The following SLC5A1 variants were observed in gnomAD, a reference collection of about 807,000 sequenced individuals.
SLC5A1 encodes solute carrier family 5 member 1.
In SLC5A1, 42 loss-of-function variants were observed where a neutral mutation model predicts 73.5. That is an observed-to-expected ratio of 0.57 (90% CI 0.45 to 0.74). The LOEUF is 0.74. SLC5A1 is among the 30% of genes least tolerant of loss of function. SLC5A1 has a pLI of 0.00. For missense variants in SLC5A1, 634 were observed against 855.4 expected (o/e 0.74, Z 3.23); for synonymous variants, 300 against 317.4 (o/e 0.95, Z 0.58).
chr22:32,053,763 G>A (rs762833287), intron 2 of SLC5A1, among the ~76,000 whole-genome samples: 10 of 152,244 alleles, frequency 6.6e-5, no homozygotes, highest in South Asian at 6.2e-4. Context: ...AAATGAATTC[G>A]TTGTATTATT....
chr22:32,105,396 C>A (rs912512208), intron 14 of SLC5A1, among the ~76,000 whole-genome samples: 1 of 150,982 alleles, frequency 6.6e-6, no homozygotes, highest in African/African-American at 2.4e-5. Context: ...TGGGTTCAAG[C>A]GATTCTCCTG....
chr22:32,056,178 C>T lies in SLC5A1; in HGVS notation c.207+6164C>T, dbSNP rs554701851. The stretch of plus-strand genomic sequence containing the variant: ...CTGGGACTACAGGTGCGTGCCACCA[C>T]GCCTGGCTAATTTTTGATTTTTAGT... On this transcript the variant is annotated intron_variant, in intron 2 of 14. Coordinates refer to ENST00000266088, the MANE Select transcript of SLC5A1 (RefSeq NM_000343.4). 7.9e-5 allele frequency among the ~76,000 whole-genome samples: 12 copies of T among 152,200 alleles called. No homozygotes were observed. The South Asian group carries it at 1.2e-3, about 16-fold the overall frequency.
At chr22:32,086,179 C>G (rs1408424814) in intron 9 of SLC5A1, 41 bp from the exon 10 acceptor site, 2 of 1,229,840 alleles carry the variant, frequency 1.6e-6, no homozygotes, top group African/African-American at 3.0e-5. Flanking sequence ...AAATATTTCC[C>G]CAATGTCTGC....
chr22:32,063,748 C>CA (rs1471630035), intron 2 of SLC5A1, among the ~76,000 whole-genome samples: 3 of 152,124 alleles, frequency 2.0e-5, no homozygotes, highest in Non-Finnish European at 2.9e-5. Flanking sequence ...GAGATAGTGA[C>CA]AGGCAGCACA....
intron 1 of SLC5A1, among the ~76,000 whole-genome samples, chr22:32,047,055 A>G (rs556167145): frequency 6.6e-6 from 1 of 152,356 alleles, no homozygotes; most frequent in East Asian, 1.9e-4. Flanking sequence ...GCTGTGAACA[A>G]GGCATAAGTG....
At chr22:32,064,691 G>A (rs1443319016) in intron 2 of SLC5A1, among the ~76,000 whole-genome samples, 3 of 152,026 alleles carry the variant, frequency 2.0e-5, no homozygotes, top group African/African-American at 4.8e-5. Flanking sequence ...TATCAACAGA[G>A]CCTGCCAACT....
intron 12 of SLC5A1, among the ~76,000 whole-genome samples, chr22:32,100,232 C>T (rs2094033994): frequency 6.6e-6 from 1 of 152,108 alleles, no homozygotes; most frequent in African/African-American, 2.4e-5. Flanking sequence ...AACAGTGATC[C>T]CTTTGGTGGA....
At chr22:32,076,746 C>T (rs1327669592) in intron 5 of SLC5A1, among the ~76,000 whole-genome samples, 1 of 152,210 alleles carries the variant, frequency 6.6e-6, no homozygotes, top group African/African-American at 2.4e-5. Flanking sequence ...AGCAAACACA[C>T]ACATATAAAA....
rs151211553 is a variant in SLC5A1, at chr22:32,072,136, G to A, written c.477+3536G>A. On this transcript the variant is annotated intron_variant, in intron 5 of 14. Coordinates refer to ENST00000266088, the MANE Select transcript of SLC5A1 (RefSeq NM_000343.4). Reference sequence around the variant, plus strand: ...TATGGTTAAATTGCATGTCACGGGAGTTTGGTGTACAGATTATTTTGTCAC... The same window carrying A: ...TATGGTTAAATTGCATGTCACGGGAATTTGGTGTACAGATTATTTTGTCAC... 1.5e-4 allele frequency among the ~76,000 whole-genome samples: 23 copies of A among 152,188 alleles called. No individual in the cohort carries two copies. In the East Asian group the frequency reaches 4.4e-3, roughly 29 times the overall value.
chr22:32,084,088 G>C (rs2094004187), intron 7 of SLC5A1, among the ~76,000 whole-genome samples: 5 of 152,232 alleles, frequency 3.3e-5, no homozygotes, highest in Admixed American at 3.3e-4. Flanking sequence ...ATGGCTGACA[G>C]CAGAGGGTGA....
At chr22:32,091,007 A>T (rs1321899519) in intron 10 of SLC5A1, among the ~76,000 whole-genome samples, 1 of 152,002 alleles carries the variant, frequency 6.6e-6, no homozygotes, top group Admixed American at 6.6e-5. Flanking sequence ...GCATCTTTTC[A>T]TGTCATTATT....
chr22:32,091,631 A>ATCAG lies in SLC5A1; in HGVS notation c.1153_1156dup (p.Met386SerfsTer35). ...TTCCAGGACTGCGAGGCCTGATGCT[A>ATCAG]TCAGTCATGCTGGCCTCCCTCATGA... On this transcript the variant is annotated frameshift_variant, in exon 11 of 15. Transcript: ENST00000266088. LOFTEE classifies it high-confidence loss of function. The ATCAG allele has an allele frequency of 6.2e-7, 1 of 1,614,132 alleles. No homozygotes were observed. The highest frequency in any genetic ancestry group is 8.5e-7 in the Non-Finnish European group (1 of 1,180,000).
intron 12 of SLC5A1, among the ~76,000 whole-genome samples, chr22:32,101,405 T>A (rs2094036120): frequency 6.6e-6 from 1 of 152,184 alleles, no homozygotes; most frequent in African/African-American, 2.4e-5. Context: ...CATATTCTAA[T>A]ATGCAGACCC....
intron 5 of SLC5A1, among the ~76,000 whole-genome samples, chr22:32,081,079 A>C (rs2093999114): frequency 6.6e-6 from 1 of 152,036 alleles, no homozygotes; most frequent in Admixed American, 6.5e-5. Context: ...ATGAACATGC[A>C]TTTGGGGTGA....
intron 5 of SLC5A1, among the ~76,000 whole-genome samples, chr22:32,078,627 A>G (rs1251894195): frequency 1.3e-5 from 2 of 152,114 alleles, no homozygotes; most frequent in African/African-American, 4.8e-5. Context: ...TTTTATTTTA[A>G]AAGTAAATTA....
chr22:32,060,058 TAC>T (rs1244270003), intron 2 of SLC5A1, among the ~76,000 whole-genome samples: 9 of 144,240 alleles, frequency 6.2e-5, no homozygotes, highest in African/African-American at 2.4e-4. Context: ...CACACATATA[TAC>T]ACACACATAT....
At chr22:32,084,735 G>A in intron 8 of SLC5A1, 76 bp downstream of exon 8, 1 of 1,524,492 alleles carries the variant, frequency 6.6e-7, no homozygotes. Context: ...TCTGTGGTTT[G>A]CAGGGTTGGG....
chr22:32,051,278 C>A lies in SLC5A1; in HGVS notation c.207+1264C>A, dbSNP rs191525990. On this transcript the variant is annotated intron_variant, in intron 2 of 14. Coordinates refer to ENST00000266088, the MANE Select transcript of SLC5A1 (RefSeq NM_000343.4). ...TCCAGCTTTGTGACATTGGGCAATT[C>A]ATTAATCTCTGAGTCTCTGAGAGTC... is the stretch of plus-strand genomic sequence containing the variant. 3.5e-3 allele frequency among the ~76,000 whole-genome samples: 540 copies of A among 152,266 alleles called. 2 individuals are homozygous for A. Among genetic ancestry groups the A allele is most frequent in the Non-Finnish European group, 5.5e-3 (375 of 68,016 alleles).
intron 2 of SLC5A1, among the ~76,000 whole-genome samples, chr22:32,051,015 T>A (rs959054969): frequency 2.6e-5 from 4 of 152,194 alleles, no homozygotes; most frequent in Non-Finnish European, 5.9e-5. Flanking sequence ...GCTCAGGGGC[T>A]GAGCTTCGAA....
Sources: allele counts gnomAD v4.1 joint callset (sites outside exome capture counted in the v4.1 genomes callset), GRCh38; gene constraint gnomAD v4.1.1; transcripts MANE v1.5; gene names NCBI Gene and HGNC (gene_info 2026-07-23, HGNC 2026-07-21).